ZNHIT3: variants seen among roughly 807,000 people sequenced by gnomAD.
ZNHIT3 encodes the protein zinc finger HIT-type containing 3.
Under a neutral mutation model 19.9 loss-of-function variants are expected in ZNHIT3, and 27 were observed. That is an observed-to-expected ratio of 1.36 (90% confidence interval 1.00 to 1.87). The LOEUF is 1.87. Among genes scored for constraint, ZNHIT3 ranks in the 40% most tolerant of loss-of-function variants. The pLI, the probability that ZNHIT3 is intolerant of heterozygous loss-of-function variation, is 0.00. For missense variants in ZNHIT3, 215 were observed against 185.6 expected, an observed-to-expected ratio of 1.16 and a Z score of -0.92; for synonymous variants, 81 against 65.7, an observed-to-expected ratio of 1.23 and a Z score of -1.13.
chr17:36,488,063 A>T (rs1209848182), intron 2 of ZNHIT3, among the ~76,000 whole-genome samples: 1 of 141,038 alleles, frequency 7.1e-6, no homozygotes, highest in African/African-American at 2.7e-5. Flanking sequence ...GTACCACTGC[A>T]CTCCAGCCTG....
Position 36,493,924 on chromosome 17 carries a change from AGAT to A in ZNHIT3, c.213_215del (p.Asp72del), listed in dbSNP as rs758016243. On this transcript the variant is annotated splice_acceptor_variant and coding_sequence_variant, in exon 4 of 5. Transcript: ENST00000617429. LOFTEE classifies it high-confidence loss of function. ...AGCCATTGACTGTTTTGTATTCCTT[AGAT>A]GATGATGACTCTATAGCTGATTTTC... 7.5e-6 allele frequency: 12 copies of A among 1,610,340 alleles called. No homozygotes were observed. The highest frequency in any genetic ancestry group is 6.6e-5 in the South Asian group (6 of 90,842).
At chr17:36,498,089 T>C (rs2071168068), downstream of ZNHIT3, 8 of 623,124 alleles carry the variant, frequency 1.3e-5, no homozygotes, top group Non-Finnish European at 2.1e-5. Context: ...TTCCCAGTTA[T>C]AACAAAATAA....
chr17:36,497,595 T>C, downstream of ZNHIT3: 1 of 979,388 alleles, frequency 1.0e-6, no homozygotes, highest in South Asian at 4.7e-5. Flanking sequence ...CAAACTTTTT[T>C]TTTTTTTTAG....
At chr17:36,497,187 T>A (rs999000095), downstream of ZNHIT3, among the ~76,000 whole-genome samples, 4 of 138,674 alleles carry the variant, frequency 2.9e-5, no homozygotes, top group South Asian at 4.7e-4. Flanking sequence ...AAAAAAAAAA[T>A]ATAGCCAGGC....
Position 36,495,415 on chromosome 17 carries a change from T to C in ZNHIT3, c.*11T>C. 6.3e-7 allele frequency: 1 copy of C among 1,581,082 alleles called. No homozygotes were observed. Among genetic ancestry groups the C allele is most frequent in the Non-Finnish European group, 8.6e-7 (1 of 1,164,968 alleles). ...AATGAGGAGTCTTAAGATGGATTAT[T>C]GTGCTGCTTGCTCAAGCGTGTGCTT... is the stretch of plus-strand genomic sequence containing the variant. On this transcript the variant is annotated 3_prime_UTR_variant, in exon 5 of 5. Transcript: ENST00000617429.
At position 36,493,960 on chromosome 17, in the gene ZNHIT3, T is replaced by C. The variant is rs1358002217; in HGVS notation, c.240T>C (p.Ser80=). ...DDDSIADFLN[S]DEEEDRVSLQ... ...ACTCTATAGCTGATTTTCTCAATAG[T>C]GATGAGGAAGAAGACAGAGTTTCTT... The change falls in exon 4 of 5, where the codon AGT becomes AGC. Residue 80 remains serine (S), a synonymous_variant. Transcript: ENST00000617429. 1 of 1,613,740 alleles carries C rather than the reference T, an allele frequency of 6.2e-7. No individual in the cohort carries two copies. Among genetic ancestry groups the C allele is most frequent in the Non-Finnish European group, 8.5e-7 (1 of 1,179,776 alleles).
At chr17:36,499,049 A>G (rs1296107436), downstream of ZNHIT3, 2 of 1,575,178 alleles carry the variant, frequency 1.3e-6, no homozygotes, top group Admixed American at 3.6e-5. Context: ...TCCACTGCCC[A>G]CCCCGACTTC....
chr17:36,495,013 T>TG (rs1343872009), intron 4 of ZNHIT3, among the ~76,000 whole-genome samples: 1 of 152,100 alleles, frequency 6.6e-6, no homozygotes, highest in Non-Finnish European at 1.5e-5. Flanking sequence ...TTTATAGAGG[T>TG]GGGGTCTCGC....
At chr17:36,497,231 G>A (rs1467019736), downstream of ZNHIT3, among the ~76,000 whole-genome samples, 2 of 151,728 alleles carry the variant, frequency 1.3e-5, no homozygotes, top group African/African-American at 4.8e-5. Flanking sequence ...CCAGCTATTC[G>A]GGAGGCTGAG....
At chr17:36,488,717 A>G (rs1277061726) in intron 2 of ZNHIT3, among the ~76,000 whole-genome samples, 1 of 152,202 alleles carries the variant, frequency 6.6e-6, no homozygotes, top group Non-Finnish European at 1.5e-5. Flanking sequence ...ACATAATTGC[A>G]TACAATTTGA....
chr17:36,496,096 T>C, downstream of ZNHIT3: 2 of 1,059,136 alleles, frequency 1.9e-6, no homozygotes, highest in Non-Finnish European at 2.7e-6. Flanking sequence ...ACTGACGCAC[T>C]GGGCACGGGG....
Position 36,493,971 on chromosome 17 carries a change from A to G in ZNHIT3, c.251A>G (p.Glu84Gly). Residue 84 changes from glutamate to glycine, a missense_variant, in exon 4 of 5, where the codon GAA becomes GGA. By Grantham distance (98) the Glu-to-Gly change is moderately conservative (BLOSUM62 -2). Transcript: ENST00000617429. ...IADFLNSDEEEDRVSLQNLKN... is the reference protein window; with the variant it reads ...IADFLNSDEEGDRVSLQNLKN... ...GATTTTCTCAATAGTGATGAGGAAGAAGACAGAGTTTCTTTGCAGAATTTA... is the reference window on the plus strand; with the variant it reads ...GATTTTCTCAATAGTGATGAGGAAGGAGACAGAGTTTCTTTGCAGAATTTA... 1.2e-6 allele frequency: 2 copies of G among 1,613,780 alleles called. No homozygotes were observed. Among genetic ancestry groups the G allele is most frequent in the Non-Finnish European group, 1.7e-6 (2 of 1,179,670 alleles).
At chr17:36,492,301 C>T (rs1351717987) in intron 2 of ZNHIT3, 3 of 157,252 alleles carry the variant, frequency 1.9e-5, no homozygotes, top group Non-Finnish European at 2.8e-5. Context: ...GTGTGTACCA[C>T]CATGCCTGGA....
At chr17:36,496,478 C>G (rs1342619506), downstream of ZNHIT3, 3 of 1,485,756 alleles carry the variant, frequency 2.0e-6, no homozygotes, top group Non-Finnish European at 2.8e-6. Flanking sequence ...CCCCACAGAG[C>G]AGACGCTAAA....
downstream of ZNHIT3, chr17:36,499,112 G>C (rs377155500): frequency 1.7e-5 from 28 of 1,610,622 alleles, no homozygotes; most frequent in African/African-American, 3.5e-4. Context: ...GACTGTGGCA[G>C]CTGCATGCAG....
chr17:36,492,855 G>A lies in ZNHIT3; in HGVS notation c.161G>A (p.Arg54Lys). Residue 54 changes from arginine (R) to lysine (K), a missense_variant, in exon 3 of 5, where the codon AGA becomes AAA. Coordinates refer to ENST00000617429, the MANE Select transcript of ZNHIT3 (RefSeq NM_004773.4). ...PETRPVEKKIRSALPTKTVKP... is the reference protein window; with the variant it reads ...PETRPVEKKIKSALPTKTVKP... ...ACTCGTCCTGTTGAGAAAAAAATAA[G>A]ATCAGCTCTTCCTACCAAAACCGTA... 1 of 1,614,184 alleles carries A rather than the reference G, an allele frequency of 6.2e-7. No individual in the cohort carries two copies. Among genetic ancestry groups the A allele is most frequent in the Non-Finnish European group, 8.5e-7 (1 of 1,180,020 alleles).
chr17:36,496,125 A>T (rs2070943541), downstream of ZNHIT3: 3 of 1,315,586 alleles, frequency 2.3e-6, no homozygotes, highest in African/African-American at 4.4e-5. Context: ...CGAAGGCTGG[A>T]GCCGTCACTG....
intron 2 of ZNHIT3, chr17:36,491,966 A>T (rs767128570): frequency 2.0e-5 from 3 of 152,198 alleles, no homozygotes; most frequent in Non-Finnish European, 4.4e-5. Flanking sequence ...TCTCCATGTC[A>T]TGGGGGCTTC....
intron 3 of ZNHIT3, chr17:36,493,171 G>A: frequency 2.0e-6 from 1 of 510,116 alleles, no homozygotes; most frequent in Non-Finnish European, 3.5e-6. Context: ...GGTGGGCCCT[G>A]CTGGCAGGAG....
Sources: allele counts gnomAD v4.1 joint callset (sites outside exome capture counted in the v4.1 genomes callset), GRCh38; gene constraint gnomAD v4.1.1; transcripts MANE v1.5; gene names NCBI Gene and HGNC (gene_info 2026-07-23, HGNC 2026-07-21).